The following TSBP1 variants were observed in gnomAD, a reference collection of about 807,000 sequenced individuals.
The protein encoded by TSBP1 is testis-expressed basic protein 1.
Under a neutral mutation model 68.8 loss-of-function variants are expected in TSBP1, and 56 were observed. The observed-to-expected ratio is 0.81, with a 90% CI of 0.66 to 1.02. The LOEUF (loss-of-function observed/expected upper bound fraction) is 1.02. Ranked by LOEUF, TSBP1 falls within the 50% of genes least tolerant of loss-of-function variation. TSBP1 has a pLI of 0.00. For synonymous variants in TSBP1, 171 were observed against 208.7 expected, an observed-to-expected ratio of 0.82 and a Z score of 1.56; for missense variants, 502 against 641.2, an observed-to-expected ratio of 0.78 and a Z score of 2.34.
intron 15 of TSBP1, 87 bp downstream of exon 16, chr6:32,331,947 A>G (rs1405319815): frequency 3.2e-6 from 3 of 946,500 alleles, no homozygotes; most frequent in African/African-American, 1.7e-5. Context: ...AGCTTCTTTA[A>G]CCCAGATACT....
rs1773680893 is a variant in TSBP1, at chr6:32,366,162, C to T, written c.217+5G>A. Reference sequence around the variant, plus strand: ...AATTTTACAAAAATCTCTACATATACTTACCTCGGTTATCATATGAAGTGT... The same window carrying T: ...AATTTTACAAAAATCTCTACATATATTTACCTCGGTTATCATATGAAGTGT... On this transcript the variant is annotated splice_donor_5th_base_variant and intron_variant, in intron 6 of 22. Coordinates refer to ENST00000612031, the Ensembl canonical transcript of TSBP1. 2 of 1,602,984 alleles carry T rather than the reference C, an allele frequency of 1.2e-6. No individual in the cohort carries two copies. Among genetic ancestry groups the T allele is most frequent in the Non-Finnish European group, 1.7e-6 (2 of 1,175,938 alleles).
At chr6:32,367,263 G>GAA (rs1491483799) in intron 4 of TSBP1, among the ~76,000 whole-genome samples, 1 of 135,696 alleles carries the variant, frequency 7.4e-6, no homozygotes, top group African/African-American at 3.3e-5. Context: ...GAGAGAGAGA[G>GAA]AAAGAGAGAG....
intron 14 of TSBP1, among the ~76,000 whole-genome samples, chr6:32,334,635 A>T (rs530734044): frequency 2.0e-5 from 3 of 152,336 alleles, no homozygotes; most frequent in African/African-American, 4.8e-5. Flanking sequence ...TTAAAAAAAC[A>T]GTAGTAAGAC....
At chr6:32,354,745 T>C (rs1772098257) in intron 8 of TSBP1, among the ~76,000 whole-genome samples, 1 of 152,144 alleles carries the variant, frequency 6.6e-6, no homozygotes, top group Admixed American at 6.5e-5. Flanking sequence ...TAACCTGGAT[T>C]TCAAAACTAC....
intron 3 of TSBP1, among the ~76,000 whole-genome samples, chr6:32,368,238 G>C (rs1773991289): frequency 6.6e-6 from 1 of 152,118 alleles, no homozygotes; most frequent in Non-Finnish European, 1.5e-5. Flanking sequence ...TAGTCTCCTG[G>C]TTTTTGCCTC....
rs547077 is a variant in TSBP1, at chr6:32,321,541, T to C, written c.559+1576A>G. On this transcript the variant is annotated intron_variant, in intron 18 of 22. Transcript: ENST00000612031. This position sits in a 1 kb window ranked among gnomAD's most constrained non-coding sequence, Gnocchi z 4.3. ...GGCATATGGATTTTGCAGCCTCATC[T>C]CTGGGTCGGAACCATTGTCTCTGTA... 0.34 allele frequency among the ~76,000 whole-genome samples: 51,871 copies of C among 151,958 alleles called. 9,992 individuals carry two copies. Among genetic ancestry groups the C allele is most frequent in the Middle Eastern group, 0.52 (153 of 292 alleles).
intron 16 of TSBP1, among the ~76,000 whole-genome samples, chr6:32,326,548 G>C (rs1057306477): frequency 6.6e-6 from 1 of 151,772 alleles, no homozygotes; most frequent in Non-Finnish European, 1.5e-5. Context: ...CAAGGAAATT[G>C]GAACATTATC....
chr6:32,313,775 C>T (rs973689938), intron 19 of TSBP1, among the ~76,000 whole-genome samples: 8 of 152,196 alleles, frequency 5.3e-5, no homozygotes, highest in African/African-American at 1.7e-4. Flanking sequence ...ATATTATGCA[C>T]ACTGCATGGG....
intron 22 of TSBP1, among the ~76,000 whole-genome samples, chr6:32,294,997 T>C (rs1451969268): frequency 6.6e-6 from 1 of 152,072 alleles, no homozygotes; most frequent in Non-Finnish European, 1.5e-5. Flanking sequence ...AATCTAATAT[T>C]TAATATTTAC....
Position 32,333,677 on chromosome 6 carries a change from C to T in TSBP1, c.473-1623G>A, listed in dbSNP as rs1277335969. ...CTTGCTGGCAAACTGTGCTTCCTCC[C>T]TTAGGTCCTACTGAGTAGACTGTTC... On this transcript the variant is annotated intron_variant, in intron 14 of 22. Coordinates refer to ENST00000612031, the Ensembl canonical transcript of TSBP1. The surrounding 1 kb of genome is among the most constrained non-coding windows in gnomAD (Gnocchi z 4.2). 6.6e-6 allele frequency among the ~76,000 whole-genome samples: 1 copy of T among 152,224 alleles called. No homozygotes were observed. The highest frequency in any genetic ancestry group is 1.5e-5 in the Non-Finnish European group (1 of 68,046).
At chr6:32,341,172 TTTAC>T (rs1232264357) in intron 9 of TSBP1, among the ~76,000 whole-genome samples, 1 of 152,166 alleles carries the variant, frequency 6.6e-6, no homozygotes, top group African/African-American at 2.4e-5. Flanking sequence ...GTGGAAGGTA[TTTAC>T]TTGTTGCCTT....
rs1004028859 is a variant in TSBP1 at position 32,314,361 on chromosome 6, A to G, written c.580+1411T>C. The stretch of plus-strand genomic sequence containing the variant: ...CTCTGAAAAGGACACTATGCATTCA[A>G]TTTGGGTTCTGCCTTGTAATTTCTA... On this transcript the variant is annotated intron_variant, in intron 19 of 22. Transcript: ENST00000612031. The surrounding 1 kb of genome is among the most constrained non-coding windows in gnomAD (Gnocchi z 4.2). 6.6e-6 allele frequency among the ~76,000 whole-genome samples: 1 copy of G among 152,098 alleles called. No individual in the cohort carries two copies. The highest frequency in any genetic ancestry group is 1.5e-5 in the Non-Finnish European group (1 of 68,018).
intron 19 of TSBP1, among the ~76,000 whole-genome samples, chr6:32,307,248 G>A (rs967064422): frequency 1.3e-5 from 2 of 151,914 alleles, no homozygotes; most frequent in African/African-American, 4.8e-5. Flanking sequence ...TAAGTGTTTT[G>A]ACAAGTAATG....
rs1554214192 is a variant in TSBP1 at position 32,370,855 on chromosome 6, A to AAGAGAGAG, written c.13+831_13+838dup. 7.3e-3 allele frequency among the ~76,000 whole-genome samples: 1,094 copies of AAGAGAGAG among 150,218 alleles called. 14 individuals are homozygous for AAGAGAGAG. The highest frequency in any genetic ancestry group is 0.047 in the East Asian group (239 of 5,088). On this transcript the variant is annotated intron_variant, in intron 1 of 22. Coordinates refer to ENST00000612031, the Ensembl canonical transcript of TSBP1. ...AAGGATCGGGGGAGAAAAAAAAGAA[A>AAGAGAGAG]AGAGAGAGAGAGAGAAAGGAAAGAA...
chr6:32,370,919 C>T (rs1774350713), intron 1 of TSBP1, among the ~76,000 whole-genome samples: 1 of 151,998 alleles, frequency 6.6e-6, no homozygotes, highest in Admixed American at 6.6e-5. Flanking sequence ...AAAGTAAAAA[C>T]TCTGAAGAAT....
In TSBP1 at chr6:32,335,526, T is replaced by C. The variant is rs1294318268; in HGVS notation, c.452-69A>G. 48 of 1,085,918 alleles carry C rather than the reference T, an allele frequency of 4.4e-5. No individual in the cohort carries two copies. Among genetic ancestry groups the C allele is most frequent in the Non-Finnish European group, 2.6e-5 (22 of 834,650 alleles). 67.3% of individuals were successfully genotyped at this position (1,085,918 alleles called of 1,614,324 possible). A position where few individuals can be genotyped will look rare whatever the true frequency, so the allele number is the denominator to read the frequency against. Reference sequence around the variant, plus strand: ...TTATATATACTTTTTATTTATATACTTTAATTTGTATACTTTCCCTAGTAG... The same window carrying C: ...TTATATATACTTTTTATTTATATACCTTAATTTGTATACTTTCCCTAGTAG... On this transcript the variant is annotated intron_variant, in intron 13 of 22. Transcript: ENST00000612031. This position sits in a 1 kb window ranked among gnomAD's most constrained non-coding sequence, Gnocchi z 5.5.
chr6:32,334,369 T>C (rs557345918), intron 14 of TSBP1, among the ~76,000 whole-genome samples: 1 of 152,312 alleles, frequency 6.6e-6, no homozygotes, highest in South Asian at 2.1e-4. Context: ...AGGCCTTTAC[T>C]ACCCTTTAAT....
chr6:32,296,495 A>G (rs1468053676), intron 22 of TSBP1, among the ~76,000 whole-genome samples: 1 of 152,208 alleles, frequency 6.6e-6, no homozygotes, highest in African/African-American at 2.4e-5. Context: ...CCTAATGAAA[A>G]TCAGTGGTAA....
exon 2 of TSBP1, chr6:32,369,948 G>T (rs138738240): frequency 6.2e-7 from 1 of 1,612,390 alleles, no homozygotes; most frequent in Admixed American, 1.7e-5. Flanking sequence ...AGGATGGCAA[G>T]TCCCAGTAGA....
Sources: allele counts gnomAD v4.1 joint callset (sites outside exome capture counted in the v4.1 genomes callset), GRCh38; gene constraint gnomAD v4.1.1; non-coding constraint Gnocchi (gnomAD v3.1); transcripts MANE v1.5; gene names NCBI Gene and HGNC (gene_info 2026-07-23, HGNC 2026-07-21).